GOLGA8H: variants seen among roughly 807,000 people sequenced by gnomAD.
The protein encoded by GOLGA8H is golgin A8 family member H.
A neutral mutation model predicts 82.7 loss-of-function variants in GOLGA8H; 47 were observed. The ratio of observed to expected loss-of-function variants is 0.57; its 90% CI spans 0.45 to 0.73. GOLGA8H has a LOEUF of 0.73. Among genes scored for constraint, GOLGA8H ranks in the 30% least tolerant of loss-of-function variants. GOLGA8H has a pLI of 0.00. For synonymous variants in GOLGA8H, 108 were observed against 241.6 expected, an observed-to-expected ratio of 0.45 and a Z score of 5.13; for missense variants, 372 against 661.0, an observed-to-expected ratio of 0.56 and a Z score of 4.79.
chr15:30,607,965 T>A (rs1402264482), intron 4 of GOLGA8H, 65 bp from the exon 5 acceptor site: 3 of 1,596,062 alleles, frequency 1.9e-6, no homozygotes, highest in Non-Finnish European at 2.5e-6. Context: ...TGCCTACCAC[T>A]TCCTGGTCTG....
In GOLGA8H at chr15:30,610,051, A is replaced by C; in HGVS notation, c.731A>C (p.His244Pro). ...VQLERDECAE[H>P]LKGERARWQQ... is the part of the protein sequence containing the mutation. ...TTAGAAAGAGATGAGTGTGCTGAAC[A>C]TCTAAAAGGAGAGAGGGCCCGGTGG... Residue 244 changes from histidine to proline, a missense_variant, in exon 10 of 19, where the codon CAT becomes CCT. His to Pro is a moderately conservative substitution (Grantham distance 77). Coordinates refer to ENST00000566740, the MANE Select transcript of GOLGA8H (RefSeq NM_001282490.2). 6.2e-7 allele frequency: 1 copy of C among 1,611,564 alleles called. No homozygotes were observed. The highest frequency in any genetic ancestry group is 2.2e-5 in the East Asian group (1 of 44,806).
chr15:30,604,275 G>T (rs1219111474), intron 1 of GOLGA8H, 102 bp downstream of exon 1: 13 of 1,496,802 alleles, frequency 8.7e-6, no homozygotes, highest in Non-Finnish European at 1.2e-5. Flanking sequence ...ACACTGGACT[G>T]GTCCCCCCTA....
In GOLGA8H at chr15:30,606,368, A is replaced by G. The variant is rs1595616063; in HGVS notation, c.168+406A>G. Reference sequence around the variant, plus strand: ...ACTCTGTCTCAAAGAAAAAAAAAAAAGGAATTCTGGATTTGAATCCTGCCT... The same window carrying G: ...ACTCTGTCTCAAAGAAAAAAAAAAAGGGAATTCTGGATTTGAATCCTGCCT... On this transcript the variant is annotated intron_variant, in intron 2 of 18. Coordinates refer to ENST00000566740, the MANE Select transcript of GOLGA8H (RefSeq NM_001282490.2). 3.3e-5 allele frequency among the ~76,000 whole-genome samples: 5 copies of G among 149,936 alleles called. No homozygotes were observed. In the East Asian group the frequency reaches 9.8e-4, roughly 29 times the overall value.
intron 2 of GOLGA8H, among the ~76,000 whole-genome samples, 169 bp downstream of exon 2, chr15:30,606,131 G>A (rs554926755): frequency 6.6e-6 from 1 of 151,774 alleles, no homozygotes; most frequent in Non-Finnish European, 1.5e-5. Flanking sequence ...AAGGCAGGCG[G>A]ATCATGAGGT....
chr15:30,608,583 C>T (rs543490115), intron 7 of GOLGA8H, 32 bp downstream of exon 7: 5 of 1,606,876 alleles, frequency 3.1e-6, no homozygotes, highest in African/African-American at 2.7e-5. Context: ...CATCCTTCAA[C>T]CTGGCACTTT....
chr15:30,610,145 T>G lies in GOLGA8H; in HGVS notation c.786+39T>G, dbSNP rs575812212. On this transcript the variant is annotated intron_variant, in intron 10 of 18. Coordinates refer to ENST00000566740, the MANE Select transcript of GOLGA8H (RefSeq NM_001282490.2). ...CTTCAGCCCCCCCACATTAGATAGGTCACTGGATCTTTCTGGGCATCTGTA... is the reference window on the plus strand; with the variant it reads ...CTTCAGCCCCCCCACATTAGATAGGGCACTGGATCTTTCTGGGCATCTGTA... The G allele has an allele frequency of 8.4e-5, 135 of 1,608,634 alleles. 2 individuals are homozygous for G. The highest frequency in any genetic ancestry group is 4.2e-4 in the Middle Eastern group (2 of 4,714).
rs1341509712 is a variant in GOLGA8H at position 30,609,815 on chromosome 15, C to T, written c.601C>T (p.Arg201Cys). The T allele has an allele frequency of 3.3e-5, 52 of 1,557,236 alleles. 1 individual carries two copies. Among genetic ancestry groups the T allele is most frequent in the South Asian group, 4.5e-5 (4 of 88,296 alleles). ...QKKKANQLSS[R>C]SKARTEWKLE... ...ACTCTTCACCATCCAGTTGTCCAGC[C>T]GCAGCAAAGCACGTACGGAGTGGAA... The change falls in exon 9 of 19, where the codon CGC becomes TGC. Residue 201 changes from arginine to cysteine, a missense_variant. Coordinates refer to ENST00000566740, the MANE Select transcript of GOLGA8H (RefSeq NM_001282490.2).
Position 30,608,346 on chromosome 15 carries a change from A to T in GOLGA8H, c.364A>T (p.Asn122Tyr). The change falls in exon 6 of 19, where the codon AAC becomes TAC. Residue 122 changes from asparagine (N) to tyrosine (Y), a missense_variant. By Grantham distance (143) the Asn-to-Tyr change is moderately radical. Coordinates refer to ENST00000566740, the MANE Select transcript of GOLGA8H (RefSeq NM_001282490.2). The stretch of plus-strand genomic sequence containing the variant: ...CTTCCTACAGGAAAAGAAAGCAAAC[A>T]ACAAGAAACAGAAAGCCAAAAGGGT... ...HQLEEEKKAN[N>Y]KKQKAKRVLE... 2 of 1,587,490 alleles carry T rather than the reference A, an allele frequency of 1.3e-6. No homozygotes were observed. The highest frequency in any genetic ancestry group is 1.7e-6 in the Non-Finnish European group (2 of 1,169,530).
intron 8 of GOLGA8H, 108 bp from the exon 9 acceptor site, chr15:30,609,698 C>G: frequency 2.7e-6 from 4 of 1,464,270 alleles, no homozygotes; most frequent in Admixed American, 1.9e-5. Flanking sequence ...ATGCCTTGAT[C>G]TTTACTGACT....
rs2060108431 is a variant in GOLGA8H at position 30,616,628 on chromosome 15, C to T, written c.*2067C>T. Among the ~76,000 whole-genome samples, 1 of 149,470 alleles carries T rather than the reference C, an allele frequency of 6.7e-6. No homozygotes were observed. Among genetic ancestry groups the T allele is most frequent in the South Asian group, 2.1e-4 (1 of 4,696 alleles). ...CGCCTTTTATTTTCTGAACTTGCCG[C>T]TTTTGCATTCTTTGAGTTCAGTTTA... On this transcript the variant is annotated 3_prime_UTR_variant, in exon 19 of 19. Coordinates refer to ENST00000566740, the MANE Select transcript of GOLGA8H (RefSeq NM_001282490.2).
At chr15:30,607,749 A>G (rs2059944800) in intron 4 of GOLGA8H, 1 of 604,358 alleles carries the variant, frequency 1.7e-6, no homozygotes, top group Admixed American at 3.0e-5. Context: ...AGTTGCCAGA[A>G]GGAGGGGCCT....
rs562595803 is a variant in GOLGA8H, at chr15:30,610,060, G to T, written c.740G>T (p.Gly247Val). ...GATGAGTGTGCTGAACATCTAAAAG[G>T]AGAGAGGGCCCGGTGGCAGCAGAGG... ...ERDECAEHLKGERARWQQRMR... is the reference protein window; with the variant it reads ...ERDECAEHLKVERARWQQRMR... The change falls in exon 10 of 19, where the codon GGA becomes GTA. Residue 247 changes from glycine (G) to valine (V), a missense_variant. Coordinates refer to ENST00000566740, the MANE Select transcript of GOLGA8H (RefSeq NM_001282490.2). 1.6e-4 allele frequency: 265 copies of T among 1,611,454 alleles called. 3 individuals carry two copies. In the South Asian group the frequency reaches 2.7e-3, roughly 17 times the overall value.
At position 30,608,463 on chromosome 15, in the gene GOLGA8H, A is replaced by G. The variant is rs755135161; in HGVS notation, c.397-4A>G. 1 of 1,609,932 alleles carries G rather than the reference A, an allele frequency of 6.2e-7. No individual in the cohort carries two copies. Among genetic ancestry groups the G allele is most frequent in the South Asian group, 1.1e-5 (1 of 90,984 alleles). ...TCAGCACTTGCTTGGCTTTTCTCCC[A>G]AAGGTTCAAATCCAGACATTGAACA... On this transcript the variant is annotated splice_region_variant and splice_polypyrimidine_tract_variant and intron_variant, in intron 6 of 18. Transcript: ENST00000566740.
rs1182288952 is a variant in GOLGA8H, at chr15:30,616,233, A to T, written c.*1672A>T. On this transcript the variant is annotated 3_prime_UTR_variant, in exon 19 of 19. Coordinates refer to ENST00000566740, the MANE Select transcript of GOLGA8H (RefSeq NM_001282490.2). ...AGTTCTAATGTCTGTGTTCCAAAAC[A>T]CATCACATTGTTAGGATGCAGGGAG... 6.6e-6 allele frequency among the ~76,000 whole-genome samples: 1 copy of T among 150,546 alleles called. No individual in the cohort carries two copies. Among genetic ancestry groups the T allele is most frequent in the Non-Finnish European group, 1.5e-5 (1 of 67,668 alleles).
At chr15:30,610,575 A>G (rs1225423569) in intron 11 of GOLGA8H, among the ~76,000 whole-genome samples, 186 bp downstream of exon 11, 1 of 150,398 alleles carries the variant, frequency 6.6e-6, no homozygotes, top group Non-Finnish European at 1.5e-5. Flanking sequence ...CCATCAGGAA[A>G]GAGGGCCCGT....
At chr15:30,606,476 G>T (rs900842962) in intron 2 of GOLGA8H, among the ~76,000 whole-genome samples, 7 of 151,362 alleles carry the variant, frequency 4.6e-5, no homozygotes, top group Non-Finnish European at 1.0e-4. Context: ...GTATAATAGA[G>T]GTGATATTGT....
At chr15:30,606,216 G>A (rs565338279) in intron 2 of GOLGA8H, among the ~76,000 whole-genome samples, 3,196 of 151,448 alleles carry the variant, frequency 0.021, 198 homozygotes, top group African/African-American at 0.074. Flanking sequence ...TTAGCCAAGC[G>A]TGGTGGCGTG....
chr15:30,606,515 G>C (rs970138475), intron 2 of GOLGA8H, among the ~76,000 whole-genome samples: 16 of 151,700 alleles, frequency 1.1e-4, no homozygotes, highest in African/African-American at 3.9e-4. Context: ...ATTTTCATGA[G>C]ATTTGTTATT....
In GOLGA8H at chr15:30,610,022, C is replaced by A. The variant is rs1451767581; in HGVS notation, c.702C>A (p.Val234=). 5.0e-6 allele frequency: 8 copies of A among 1,611,488 alleles called. 1 individual carries two copies. The East Asian group carries it at 1.8e-4, about 36-fold the overall frequency. The part of the protein sequence containing the change: ...LTQLKESFQQ[V]QLERDECAEH... ...AGTTGAAGGAGTCATTTCAACAAGT[C>A]CAATTAGAAAGAGATGAGTGTGCTG... Residue 234 remains valine, a synonymous_variant, in exon 10 of 19, where the codon GTC becomes GTA. Coordinates refer to ENST00000566740, the MANE Select transcript of GOLGA8H (RefSeq NM_001282490.2).
Sources: gnomAD v4.1 joint callset for allele counts (sites outside exome capture counted in the v4.1 genomes callset) on GRCh38, gnomAD v4.1.1 for gene constraint, MANE v1.5 for transcripts, NCBI Gene and HGNC (gene_info 2026-07-23, HGNC 2026-07-21) for gene names.